The following CDH13 variants were observed in gnomAD, a reference collection of about 807,000 sequenced individuals.
The protein encoded by CDH13 is cadherin 13.
CDH13 carries 24 observed loss-of-function variants against 63.8 expected under a neutral mutation model. The observed-to-expected ratio is 0.38, with a 90% CI of 0.27 to 0.53. The LOEUF (loss-of-function observed/expected upper bound fraction) is 0.53, where lower values mean the gene tolerates loss of function less well. CDH13 is among the 20% of genes least tolerant of loss of function. The probability of loss-of-function intolerance (pLI) is 0.85; values close to 1 mark genes in which losing one functional copy is unlikely to be tolerated. For synonymous variants in CDH13, 503 were observed against 355.3 expected, an observed-to-expected ratio of 1.42 and a Z score of -4.67; for missense variants, 1,049 against 903.1, an observed-to-expected ratio of 1.16 and a Z score of -2.07.
intron 7 of CDH13, among the ~76,000 whole-genome samples, chr16:83,597,264 CA>C (rs1340084843): frequency 1.3e-5 from 2 of 152,058 alleles, no homozygotes; most frequent in Non-Finnish European, 2.9e-5. Context: ...AGAAGCAACC[CA>C]AATGTTCATC....
chr16:82,793,175 C>T (rs4783274), intron 1 of CDH13, among the ~76,000 whole-genome samples: 69,753 of 152,128 alleles, frequency 0.46, 16,885 homozygotes, highest in East Asian at 0.6. Flanking sequence ...CAGTGCATCA[C>T]CCAGTGAAGC....
intron 11 of CDH13, among the ~76,000 whole-genome samples, chr16:83,761,867 T>A (rs76674644): frequency 0.063 from 9,562 of 152,054 alleles, 407 homozygotes; most frequent in African/African-American, 0.11. Flanking sequence ...AGTAGTTCGA[T>A]ACCAGCCAGG....
intron 5 of CDH13, among the ~76,000 whole-genome samples, chr16:83,265,291 CT>C (rs2151839761): frequency 6.6e-6 from 1 of 152,172 alleles, no homozygotes; most frequent in African/African-American, 2.4e-5. Context: ...TTCCCAAATC[CT>C]TTCTCTTTTT....
At position 83,404,379 on chromosome 16, in the gene CDH13, C is replaced by G. The variant is rs1422523381; in HGVS notation, c.781+59373C>G. On this transcript the variant is annotated intron_variant, in intron 6 of 13. Coordinates refer to ENST00000567109, the MANE Select transcript of CDH13 (RefSeq NM_001257.5). The stretch of plus-strand genomic sequence containing the variant: ...CAACACATCTATCCATTTGTTGATT[C>G]ATTCACTGGTTATGCTTATAACGTT... 2.0e-5 allele frequency among the ~76,000 whole-genome samples: 3 copies of G among 152,214 alleles called. No individual in the cohort carries two copies. The South Asian group carries it at 6.2e-4, about 32-fold the overall frequency.
intron 2 of CDH13, among the ~76,000 whole-genome samples, chr16:82,987,507 G>A (rs60565163): frequency 2.6e-5 from 4 of 152,138 alleles, no homozygotes; most frequent in Admixed American, 6.5e-5. Context: ...CTCCTCTGTA[G>A]CTGGTATTAC....
intron 1 of CDH13, among the ~76,000 whole-genome samples, chr16:82,641,924 G>A (rs191080159): frequency 6.6e-6 from 1 of 151,802 alleles, no homozygotes; most frequent in African/African-American, 2.4e-5. Flanking sequence ...AAGCAGGCGA[G>A]GGGGTAGATA....
At chr16:83,597,691 C>G (rs1598349099) in intron 7 of CDH13, among the ~76,000 whole-genome samples, 2 of 152,166 alleles carry the variant, frequency 1.3e-5, no homozygotes, top group Non-Finnish European at 2.9e-5. Flanking sequence ...TCATCACAAA[C>G]TTTGCAGTTT....
intron 3 of CDH13, among the ~76,000 whole-genome samples, chr16:83,112,235 A>T (rs2035090511): frequency 2.6e-5 from 4 of 152,224 alleles, no homozygotes; most frequent in Admixed American, 2.6e-4. Flanking sequence ...CAGTTAGGGC[A>T]GGCTAATTAC....
chr16:82,693,545 A>G (rs1274026385), intron 1 of CDH13, among the ~76,000 whole-genome samples: 2 of 152,226 alleles, frequency 1.3e-5, no homozygotes, highest in East Asian at 3.9e-4. Context: ...TGCTGCATAA[A>G]GGACCCCCAT....
intron 3 of CDH13, among the ~76,000 whole-genome samples, chr16:83,123,664 C>T (rs2035687417): frequency 1.3e-5 from 2 of 152,158 alleles, no homozygotes; most frequent in African/African-American, 4.8e-5. Flanking sequence ...CTATGATAAA[C>T]ACACAAGTGC....
chr16:83,061,443 C>T (rs1597249909), intron 3 of CDH13, among the ~76,000 whole-genome samples: 2 of 152,290 alleles, frequency 1.3e-5, no homozygotes, highest in East Asian at 3.9e-4. Context: ...CCTGTGCCAA[C>T]CCCGGAATAC....
chr16:83,371,557 A>G (rs576086883), intron 6 of CDH13, among the ~76,000 whole-genome samples: 3 of 152,214 alleles, frequency 2.0e-5, no homozygotes, highest in East Asian at 1.9e-4. Context: ...TTTAATAGCT[A>G]TTTATTTTGA....
At chr16:82,995,671 C>G (rs1414706187) in intron 2 of CDH13, among the ~76,000 whole-genome samples, 1 of 152,094 alleles carries the variant, frequency 6.6e-6, no homozygotes, top group Non-Finnish European at 1.5e-5. Context: ...TAAAAACACA[C>G]CAAACAACTA....
chr16:83,583,935 A>G (rs941170879), intron 7 of CDH13, among the ~76,000 whole-genome samples: 7 of 151,922 alleles, frequency 4.6e-5, no homozygotes, highest in African/African-American at 1.5e-4. Context: ...AAATAAATAA[A>G]CAAAAATTTA....
At chr16:82,787,568 G>A (rs1385682016) in intron 1 of CDH13, among the ~76,000 whole-genome samples, 2 of 152,166 alleles carry the variant, frequency 1.3e-5, no homozygotes, top group South Asian at 2.1e-4. Flanking sequence ...AGCATTTATT[G>A]TATGCTAGAC....
At chr16:82,776,734 C>A (rs2035515075) in intron 1 of CDH13, among the ~76,000 whole-genome samples, 1 of 152,166 alleles carries the variant, frequency 6.6e-6, no homozygotes, top group African/African-American at 2.4e-5. Context: ...GGGGGAACCA[C>A]CTTGGAAAAG....
intron 6 of CDH13, among the ~76,000 whole-genome samples, chr16:83,442,200 C>T (rs1018051184): frequency 2.0e-5 from 3 of 152,136 alleles, no homozygotes; most frequent in Non-Finnish European, 4.4e-5. Context: ...GGGCACCTAT[C>T]GTTTATTTTC....
chr16:83,073,321 C>CTGTG (rs567463667), intron 3 of CDH13, among the ~76,000 whole-genome samples: 1,769 of 139,718 alleles, frequency 0.013, 23 homozygotes, highest in Admixed American at 0.035. Flanking sequence ...GGGTGTGTGT[C>CTGTG]TGTGTGTGTG....
intron 2 of CDH13, among the ~76,000 whole-genome samples, chr16:82,883,409 G>T (rs1204785430): frequency 1.3e-5 from 2 of 152,190 alleles, no homozygotes; most frequent in African/African-American, 4.8e-5. Flanking sequence ...GGGGGAACGT[G>T]TGCAAATGCA....
Sources: allele counts gnomAD v4.1 joint callset (sites outside exome capture counted in the v4.1 genomes callset), GRCh38; gene constraint gnomAD v4.1.1; transcripts MANE v1.5; gene names NCBI Gene and HGNC (gene_info 2026-07-23, HGNC 2026-07-21).